TM9SF4: variants seen among roughly 807,000 people sequenced by gnomAD.
TM9SF4 encodes transmembrane 9 superfamily member 4, also known as dinucleotide oxidase disulfide thiol exchanger 3 superfamily member 4.
A neutral mutation model predicts 90.4 loss-of-function variants in TM9SF4; 26 were observed. That is an observed-to-expected ratio of 0.29 (90% CI 0.21 to 0.40). TM9SF4 has a LOEUF of 0.40. Ranked by LOEUF, TM9SF4 falls within the 10% of genes least tolerant of loss-of-function variation. The pLI, the probability that TM9SF4 is intolerant of heterozygous loss-of-function variation, is 1.00. For missense variants in TM9SF4, 549 were observed against 834.8 expected, an observed-to-expected ratio of 0.66 and a Z score of 4.22; for synonymous variants, 293 against 315.4, an observed-to-expected ratio of 0.93 and a Z score of 0.75.
At chr20:32,124,869 G>A (rs2046396087) in intron 1 of TM9SF4, among the ~76,000 whole-genome samples, 1 of 152,160 alleles carries the variant, frequency 6.6e-6, no homozygotes, top group Non-Finnish European at 1.5e-5. Flanking sequence ...TTACGGGTGT[G>A]AGCCACCGCA....
At chr20:32,146,161 G>T (rs2046759284) in intron 8 of TM9SF4, among the ~76,000 whole-genome samples, 1 of 152,190 alleles carries the variant, frequency 6.6e-6, no homozygotes, top group African/African-American at 2.4e-5. Context: ...AATCCCTGAA[G>T]CCCTGTGAAC....
At chr20:32,117,642 C>CA (rs1222687373) in intron 1 of TM9SF4, among the ~76,000 whole-genome samples, 1 of 151,606 alleles carries the variant, frequency 6.6e-6, no homozygotes, top group African/African-American at 2.4e-5. Flanking sequence ...CCCCCGCCCC[C>CA]CCAAGAATAA....
chr20:32,155,051 G>A, intron 12 of TM9SF4, 52 bp from the exon 13 acceptor site: 2 of 1,502,624 alleles, frequency 1.3e-6, no homozygotes, highest in South Asian at 1.1e-5. Context: ...CACCGGGACA[G>A]GTAGGGGAGG....
rs2046814304 is a variant in TM9SF4 at position 32,149,699 on chromosome 20, C to T, written c.1020C>T (p.Tyr340=). The change falls in exon 10 of 18, where the codon TAC becomes TAT. Residue 340 remains tyrosine (Y), a synonymous_variant. Coordinates refer to ENST00000398022, the MANE Select transcript of TM9SF4 (RefSeq NM_014742.4). ...VHGDVFRPPQ[Y]PMILSSLLGS... is the part of the protein sequence containing the mutation. The stretch of plus-strand genomic sequence containing the variant: ...GCGACGTCTTCAGGCCCCCCCAGTA[C>T]CCCATGATCCTCAGCTCCCTGCTGG... 1 of 1,614,110 alleles carries T rather than the reference C, an allele frequency of 6.2e-7. No individual in the cohort carries two copies. Among genetic ancestry groups the T allele is most frequent in the African/African-American group, 1.3e-5 (1 of 74,942 alleles).
At position 32,166,329 on chromosome 20, in the gene TM9SF4, TCCTTAC is replaced by T. The variant is rs2047098074; in HGVS notation, c.*888_*893del. 1 of 152,698 alleles carries T rather than the reference TCCTTAC, an allele frequency of 6.5e-6. No individual in the cohort carries two copies. The highest frequency in any genetic ancestry group is 2.4e-5 in the African/African-American group (1 of 41,438). 9.5% of individuals were successfully genotyped at this position (152,698 alleles called of 1,614,324 possible). A position where few individuals can be genotyped will look rare whatever the true frequency, so the allele number is the denominator to read the frequency against. ...GAAGGGATGGCCAAGGCCGCTAGGGTCCTTACCCCTCAGGATCACTCCCCAGCCCTT... is the reference window on the plus strand; with the variant it reads ...GAAGGGATGGCCAAGGCCGCTAGGGTCCCTCAGGATCACTCCCCAGCCCTT... On this transcript the variant is annotated 3_prime_UTR_variant, in exon 18 of 18. Coordinates refer to ENST00000398022, the MANE Select transcript of TM9SF4 (RefSeq NM_014742.4).
chr20:32,145,814 A>G (rs1444706782), intron 8 of TM9SF4, among the ~76,000 whole-genome samples: 1 of 152,214 alleles, frequency 6.6e-6, no homozygotes, highest in East Asian at 1.9e-4. Context: ...GCAAATAAGT[A>G]GTGGAGTTCC....
intron 12 of TM9SF4, among the ~76,000 whole-genome samples, chr20:32,154,404 C>G (rs892721367): frequency 6.6e-6 from 1 of 151,642 alleles, no homozygotes; most frequent in Non-Finnish European, 1.5e-5. Context: ...TTTTCTCCCC[C>G]TCAAAAAAAA....
At chr20:32,122,950 C>G (rs1212770993) in intron 1 of TM9SF4, among the ~76,000 whole-genome samples, 2 of 151,844 alleles carry the variant, frequency 1.3e-5, no homozygotes, top group Middle Eastern at 3.4e-3. Flanking sequence ...GTAGATCACT[C>G]GCGGTTAGGA....
intron 2 of TM9SF4, among the ~76,000 whole-genome samples, chr20:32,134,690 T>C (rs2122380308): frequency 6.6e-6 from 1 of 151,750 alleles, no homozygotes; most frequent in Non-Finnish European, 1.5e-5. Flanking sequence ...TTTTTTTTTG[T>C]GAGATGGAAT....
At chr20:32,124,300 A>G (rs1348720569) in intron 1 of TM9SF4, among the ~76,000 whole-genome samples, 3 of 152,226 alleles carry the variant, frequency 2.0e-5, no homozygotes, top group Non-Finnish European at 4.4e-5. Context: ...GGGGAGAGAC[A>G]AGTGAGACAA....
At chr20:32,163,275 A>ATATATATATG (rs1194921186) in intron 17 of TM9SF4, among the ~76,000 whole-genome samples, 3 of 37,886 alleles carry the variant, frequency 7.9e-5, no homozygotes, top group Admixed American at 3.0e-4. Flanking sequence ...AAAAATATAT[A>ATATATATATG]TATATATATA....
chr20:32,161,866 G>A (rs1203968821), intron 17 of TM9SF4, among the ~76,000 whole-genome samples: 1 of 152,310 alleles, frequency 6.6e-6, no homozygotes, highest in South Asian at 2.1e-4. Flanking sequence ...CGCAAGTACT[G>A]TTCAATCCTG....
chr20:32,150,736 C>A (rs1183374371), intron 11 of TM9SF4, 33 bp downstream of exon 11: 1 of 1,614,250 alleles, frequency 6.2e-7, no homozygotes. Context: ...CCGGGGGCGG[C>A]ACAGGCCTCC....
chr20:32,148,393 T>C (rs1247353411), intron 9 of TM9SF4, among the ~76,000 whole-genome samples: 1 of 152,092 alleles, frequency 6.6e-6, no homozygotes, highest in Admixed American at 6.5e-5. Flanking sequence ...ATTGGTAGCT[T>C]TCTGAAAAGT....
At chr20:32,142,041 C>T in intron 5 of TM9SF4, 146 bp downstream of exon 5, 1 of 1,328,674 alleles carries the variant, frequency 7.5e-7, no homozygotes, top group Non-Finnish European at 1.0e-6. Context: ...TCCGAGTGCT[C>T]CGGGCAAGTC....
chr20:32,134,250 G>C (rs991632010), intron 2 of TM9SF4, among the ~76,000 whole-genome samples: 1 of 152,154 alleles, frequency 6.6e-6, no homozygotes, highest in African/African-American at 2.4e-5. Flanking sequence ...GTATGTGAGG[G>C]TGGACGCCTT....
chr20:32,159,417 C>A (rs2122472462), intron 15 of TM9SF4: 1 of 154,154 alleles, frequency 6.5e-6, no homozygotes, highest in East Asian at 1.9e-4. Context: ...ATCTGCTATT[C>A]CAGAGTAGTG....
intron 3 of TM9SF4, among the ~76,000 whole-genome samples, chr20:32,141,204 G>A (rs947321935): frequency 2.4e-5 from 3 of 125,794 alleles, no homozygotes; most frequent in African/African-American, 3.2e-5. Context: ...GTGACAGAGC[G>A]AGACTCCATC....
chr20:32,112,693 C>A (rs1395912052), intron 1 of TM9SF4, among the ~76,000 whole-genome samples: 87 of 121,626 alleles, frequency 7.2e-4, no homozygotes, highest in Admixed American at 1.2e-3. Context: ...GACCCTATCT[C>A]AAAAAAAAAA....
Sources: gnomAD v4.1 joint callset for allele counts (sites outside exome capture counted in the v4.1 genomes callset) on GRCh38, gnomAD v4.1.1 for gene constraint, MANE v1.5 for transcripts, NCBI Gene and HGNC (gene_info 2026-07-23, HGNC 2026-07-21) for gene names.